Variants in FCHO2 observed in about 807,000 individuals in gnomAD.
The protein encoded by FCHO2 is F-BAR domain only protein 2.
A neutral mutation model predicts 114.1 loss-of-function variants in FCHO2; 43 were observed. The observed-to-expected ratio is 0.38, with a 90% CI of 0.30 to 0.49. FCHO2 has a LOEUF of 0.49. FCHO2 is among the 20% of genes least tolerant of loss of function. The pLI, the probability that FCHO2 is intolerant of heterozygous loss-of-function variation, is 0.97. For synonymous variants in FCHO2, 293 were observed against 315.2 expected, an observed-to-expected ratio of 0.93 and a Z score of 0.75; for missense variants, 807 against 950.4, an observed-to-expected ratio of 0.85 and a Z score of 1.98.
chr5:73,021,089 T>C (rs1002798055), intron 8 of FCHO2: 10 of 827,170 alleles, frequency 1.2e-5, no homozygotes, highest in Non-Finnish European at 2.0e-5. Flanking sequence ...ACATTGATGA[T>C]TCGGTCCCCC....
At chr5:73,013,016 C>T (rs1384306693) in intron 6 of FCHO2, among the ~76,000 whole-genome samples, 2 of 152,164 alleles carry the variant, frequency 1.3e-5, no homozygotes, top group Admixed American at 1.3e-4. Flanking sequence ...GGCTACCTGT[C>T]TGAGAAAATA....
intron 2 of FCHO2, among the ~76,000 whole-genome samples, chr5:72,968,920 A>C (rs1752355218): frequency 6.6e-6 from 1 of 152,270 alleles, no homozygotes; most frequent in East Asian, 1.9e-4. Context: ...AACCATGCTA[A>C]AATAATTAGA....
At chr5:73,074,903 G>A in intron 20 of FCHO2, 50 bp downstream of exon 20, 1 of 1,442,590 alleles carries the variant, frequency 6.9e-7, no homozygotes, top group Admixed American at 2.2e-5. Context: ...GTGTTGGGTG[G>A]AGGAGGTGGT....
intron 6 of FCHO2, among the ~76,000 whole-genome samples, chr5:73,009,599 C>T (rs912402379): frequency 1.3e-5 from 2 of 152,168 alleles, no homozygotes; most frequent in Non-Finnish European, 2.9e-5. Context: ...TGCAATGGCA[C>T]GATCTTGGCT....
At chr5:73,006,059 A>AGC (rs1186599691) in intron 5 of FCHO2, among the ~76,000 whole-genome samples, 1 of 152,156 alleles carries the variant, frequency 6.6e-6, no homozygotes, top group African/African-American at 2.4e-5. Flanking sequence ...AGGAGTGTCA[A>AGC]GCACGTTCTG....
chr5:73,070,852 T>C (rs562937831), intron 19 of FCHO2, among the ~76,000 whole-genome samples: 1 of 152,166 alleles, frequency 6.6e-6, no homozygotes, highest in South Asian at 2.1e-4. Context: ...TTCTTGAAAA[T>C]ATTTTCTTTT....
At position 72,982,127 on chromosome 5, in the gene FCHO2, C is replaced by T. The variant is rs187244783; in HGVS notation, c.126-7300C>T. 5.9e-5 allele frequency among the ~76,000 whole-genome samples: 9 copies of T among 152,310 alleles called. No individual in the cohort carries two copies. The East Asian group carries it at 1.7e-3, about 29-fold the overall frequency. ...CTGGGCTGGAATGCACCATTCCTCA[C>T]AGCACAGTCCCTCATGCCTTCCCTT... On this transcript the variant is annotated intron_variant, in intron 2 of 25. Transcript: ENST00000430046.
chr5:73,061,758 A>G (rs1757862380), intron 17 of FCHO2, among the ~76,000 whole-genome samples: 1 of 152,092 alleles, frequency 6.6e-6, no homozygotes, highest in South Asian at 2.1e-4. Context: ...GGCATTCCAG[A>G]GATTGCATTG....
chr5:73,016,025 T>C (rs1268635100), intron 7 of FCHO2, among the ~76,000 whole-genome samples: 1 of 152,168 alleles, frequency 6.6e-6, no homozygotes, highest in Non-Finnish European at 1.5e-5. Context: ...AGCTTTACTA[T>C]TTTTAAATTT....
intron 8 of FCHO2, among the ~76,000 whole-genome samples, chr5:73,025,129 A>C (rs1755845989): frequency 6.6e-6 from 1 of 152,110 alleles, no homozygotes; most frequent in Admixed American, 6.6e-5. Flanking sequence ...TGTGGGGTGG[A>C]GTGGAAGGGA....
intron 8 of FCHO2, among the ~76,000 whole-genome samples, chr5:73,025,712 C>T (rs1048172235): frequency 1.3e-5 from 2 of 152,082 alleles, no homozygotes; most frequent in Non-Finnish European, 2.9e-5. Context: ...TTATGGGCAC[C>T]TGAGCAAATG....
At chr5:72,994,194 T>C (rs1474066547) in intron 5 of FCHO2, among the ~76,000 whole-genome samples, 3 of 152,004 alleles carry the variant, frequency 2.0e-5, no homozygotes, top group Non-Finnish European at 4.4e-5. Context: ...AAAGAGTAAA[T>C]AGACAACCTG....
At chr5:72,986,576 T>C (rs987180975) in intron 2 of FCHO2, among the ~76,000 whole-genome samples, 1 of 152,232 alleles carries the variant, frequency 6.6e-6, no homozygotes, top group Non-Finnish European at 1.5e-5. Context: ...TTCAGTTACC[T>C]TGCCCCCACC....
intron 11 of FCHO2, among the ~76,000 whole-genome samples, chr5:73,047,247 C>G (rs1757101665): frequency 6.6e-6 from 1 of 152,118 alleles, no homozygotes; most frequent in African/African-American, 2.4e-5. Flanking sequence ...TCTCTAAATA[C>G]TTAAGTATAT....
chr5:72,965,727 G>C (rs1752168147), intron 1 of FCHO2, among the ~76,000 whole-genome samples: 1 of 152,102 alleles, frequency 6.6e-6, no homozygotes, highest in Non-Finnish European at 1.5e-5. Context: ...AATGTTTTTT[G>C]GTGTGTTTCA....
At chr5:73,050,612 G>A (rs1236071218) in intron 11 of FCHO2, among the ~76,000 whole-genome samples, 8 of 152,026 alleles carry the variant, frequency 5.3e-5, no homozygotes, top group African/African-American at 9.7e-5. Flanking sequence ...CCACTGCACC[G>A]GGCCCGCTTT....
At chr5:73,004,768 A>G (rs1754625847) in intron 5 of FCHO2, among the ~76,000 whole-genome samples, 1 of 152,194 alleles carries the variant, frequency 6.6e-6, no homozygotes, top group South Asian at 2.1e-4. Context: ...CCAGTACAGT[A>G]GAATATTTAG....
At chr5:72,980,300 G>T (rs1753132285) in intron 2 of FCHO2, among the ~76,000 whole-genome samples, 1 of 152,194 alleles carries the variant, frequency 6.6e-6, no homozygotes, top group African/African-American at 2.4e-5. Context: ...GTTGCACTGT[G>T]GTCTGAGAGA....
chr5:73,047,529 A>G (rs998211228), intron 11 of FCHO2, among the ~76,000 whole-genome samples: 11 of 150,936 alleles, frequency 7.3e-5, no homozygotes, highest in African/African-American at 2.4e-4. Flanking sequence ...TTTCCTGGCA[A>G]TCACTCCATA....
Sources: gnomAD v4.1 joint callset for allele counts (sites outside exome capture counted in the v4.1 genomes callset) on GRCh38, gnomAD v4.1.1 for gene constraint, MANE v1.5 for transcripts, NCBI Gene and HGNC (gene_info 2026-07-23, HGNC 2026-07-21) for gene names.